OTUD7B: variants seen among roughly 807,000 people sequenced by gnomAD.
OTUD7B encodes OTU deubiquitinase 7B, also known as OTU domain-containing protein 7B.
In OTUD7B, 34 loss-of-function variants were observed where a neutral mutation model predicts 82.2. The ratio of observed to expected loss-of-function variants is 0.41; its 90% CI spans 0.31 to 0.55. The LOEUF (loss-of-function observed/expected upper bound fraction) is 0.55. Among genes scored for constraint, OTUD7B ranks in the 20% least tolerant of loss-of-function variants. The pLI, the probability that OTUD7B is intolerant of heterozygous loss-of-function variation, is 0.20. For missense variants in OTUD7B, 944 were observed against 1,062.1 expected, an observed-to-expected ratio of 0.89 and a Z score of 1.55; for synonymous variants, 398 against 402.7, an observed-to-expected ratio of 0.99 and a Z score of 0.14.
chr1:149,973,054 T>C (rs782011202), intron 2 of OTUD7B, among the ~76,000 whole-genome samples: 7 of 152,168 alleles, frequency 4.6e-5, no homozygotes, highest in Non-Finnish European at 8.8e-5. Context: ...TTTGTACCCC[T>C]AAAACATCTC....
the OTUD7B span, among the ~76,000 whole-genome samples, chr1:150,043,988 C>T: frequency 6.6e-6 from 1 of 151,966 alleles, no homozygotes; most frequent in African/African-American, 2.4e-5. Context: ...CATGATGGCA[C>T]GTGCCTGTAG....
chr1:150,055,190 A>T, the OTUD7B span, among the ~76,000 whole-genome samples: 1 of 151,674 alleles, frequency 6.6e-6, no homozygotes, highest in Non-Finnish European at 1.5e-5. Context: ...GGCGCCCACC[A>T]CCACGCCCGG....
chr1:150,004,586 C>A (rs139224795), intron 1 of OTUD7B, among the ~76,000 whole-genome samples: 171 of 150,562 alleles, frequency 1.1e-3, no homozygotes, highest in East Asian at 4.3e-3. Context: ...TAAATAAATA[C>A]ATAAATAAAT....
rs1559821140 is a variant in OTUD7B at position 149,944,588 on chromosome 1, T to A, written c.1801A>T (p.Thr601Ser). The A allele has an allele frequency of 1.2e-6, 2 of 1,614,084 alleles. No individual in the cohort carries two copies. The highest frequency in any genetic ancestry group is 1.7e-6 in the Non-Finnish European group (2 of 1,180,016). ...EVMQSLSILR[T>S]AMQGEGKFIF... ...AACTTCCCCTCCCCTTGCATGGCAG[T>A]CCTCAGAATGCTCAGGCTCTGCATC... is the stretch of plus-strand genomic sequence containing the variant. Residue 601 changes from threonine to serine, a missense_variant, in exon 12 of 12, where the codon ACT (threonine) becomes TCT (serine). This residue lies in a region of OTUD7B where 412 missense variants were observed against 418.7 expected (regional missense o/e 0.98). Coordinates refer to ENST00000581312, the MANE Select transcript of OTUD7B (RefSeq NM_020205.4).
At chr1:150,027,038 CTAAA>C in the OTUD7B span, among the ~76,000 whole-genome samples, 1 of 152,096 alleles carries the variant, frequency 6.6e-6, no homozygotes, top group Admixed American at 6.5e-5. Flanking sequence ...TGTGTTCCTG[CTAAA>C]TAGTCTCCAA....
rs1046825524 is a variant in OTUD7B, at chr1:149,941,892, A to G, written c.*1965T>C. 3 of 152,170 alleles carry G rather than the reference A, an allele frequency of 2.0e-5. No individual in the cohort carries two copies. Among genetic ancestry groups the G allele is most frequent in the Non-Finnish European group, 2.9e-5 (2 of 68,036 alleles). The allele number at this position is 152,170 out of a possible 1,614,324, so 9.4% of individuals were successfully genotyped here. ...GTTCCAGACCTGCCTAGACATATAC[A>G]CATCCCTTCCTTTGGAATCTCACTG... On this transcript the variant is annotated 3_prime_UTR_variant, in exon 12 of 12. Coordinates refer to ENST00000581312, the MANE Select transcript of OTUD7B (RefSeq NM_020205.4).
chr1:150,005,920 T>C (rs1026080606), intron 1 of OTUD7B, among the ~76,000 whole-genome samples: 7 of 152,184 alleles, frequency 4.6e-5, no homozygotes, highest in East Asian at 1.9e-4. Flanking sequence ...GGAGGCCACA[T>C]TGGATCCATA....
At chr1:149,990,449 T>C (rs181195943) in intron 1 of OTUD7B, among the ~76,000 whole-genome samples, 5 of 152,350 alleles carry the variant, frequency 3.3e-5, no homozygotes, top group East Asian at 3.9e-4. Flanking sequence ...GAGAGTTATC[T>C]ACACCTAAAA....
Position 149,944,211 on chromosome 1 carries a change from T to TG in OTUD7B, c.2177dup (p.Tyr727IlefsTer30). The TG allele has an allele frequency of 6.2e-7, 1 of 1,613,466 alleles. No individual in the cohort carries two copies. Among genetic ancestry groups the TG allele is most frequent in the Non-Finnish European group, 8.5e-7 (1 of 1,179,590 alleles). On this transcript the variant is annotated frameshift_variant, in exon 12 of 12. Transcript: ENST00000581312. LOFTEE classifies it high-confidence loss of function. ...GGCACTGTCTGGGGAAGGTGGCATA[T>TG]GGTGGTAGGCCCCCGACACATGGAC...
intron 1 of OTUD7B, among the ~76,000 whole-genome samples, chr1:150,001,445 G>C (rs1652273964): frequency 6.6e-6 from 1 of 152,184 alleles, no homozygotes; most frequent in Non-Finnish European, 1.5e-5. Flanking sequence ...GCTTAGAACA[G>C]GGTAGAGTGA....
rs188543805 is a variant in OTUD7B at position 149,957,016 on chromosome 1, G to A, written c.845+2668C>T. Among the ~76,000 whole-genome samples, 11 of 152,064 alleles carry A rather than the reference G, an allele frequency of 7.2e-5. No homozygotes were observed. The East Asian group carries it at 1.7e-3, about 24-fold the overall frequency. ...AGCTCAGAGTTTGTTATTACCGATCGTCTGAAGCCTTCTTCTCTCAACTCG... is the reference window on the plus strand; with the variant it reads ...AGCTCAGAGTTTGTTATTACCGATCATCTGAAGCCTTCTTCTCTCAACTCG... On this transcript the variant is annotated intron_variant, in intron 7 of 11. Coordinates refer to ENST00000581312, the MANE Select transcript of OTUD7B (RefSeq NM_020205.4).
chr1:149,959,532 A>G, intron 7 of OTUD7B, 152 bp downstream of exon 7: 1 of 614,272 alleles, frequency 1.6e-6, no homozygotes. Context: ...GTTCCTAAAC[A>G]TATCATGTTG....
At chr1:150,028,172 G>A in the OTUD7B span, among the ~76,000 whole-genome samples, 1 of 152,178 alleles carries the variant, frequency 6.6e-6, no homozygotes, top group African/African-American at 2.4e-5. Flanking sequence ...GGATGCAGTT[G>A]TCAATAGTAT....
chr1:149,960,095 A>C (rs1267283077), intron 6 of OTUD7B, among the ~76,000 whole-genome samples: 1 of 152,138 alleles, frequency 6.6e-6, no homozygotes, highest in Non-Finnish European at 1.5e-5. Flanking sequence ...GATTTTGGCA[A>C]AGAACAATGA....
the OTUD7B span, among the ~76,000 whole-genome samples, chr1:150,052,338 T>C: frequency 6.6e-6 from 1 of 152,072 alleles, no homozygotes; most frequent in Non-Finnish European, 1.5e-5. Flanking sequence ...GTAAAATAAA[T>C]GTACAAAAAA....
rs199790009 is a variant in OTUD7B, at chr1:149,944,472, G to T, written c.1917C>A (p.Phe639Leu). The T allele has an allele frequency of 1.4e-5, 23 of 1,614,070 alleles. No individual in the cohort carries two copies. Among genetic ancestry groups the T allele is most frequent in the Non-Finnish European group, 1.8e-5 (21 of 1,180,012 alleles). The stretch of plus-strand genomic sequence containing the variant: ...CCTCCTTCTGCTTCTGTTCTGCCAG[G>T]AATCTCTCCTCAGCATCAGAAAGGT... ...QRYLSDAEER[F>L]LAEQKQKEAE... The change falls in exon 12 of 12, where the codon TTC becomes TTA. Residue 639 changes from phenylalanine to leucine, a missense_variant. This residue lies in a region of OTUD7B where 412 missense variants were observed against 418.7 expected (regional missense o/e 0.98). Coordinates refer to ENST00000581312, the MANE Select transcript of OTUD7B (RefSeq NM_020205.4).
chr1:150,045,392 C>G, the OTUD7B span, among the ~76,000 whole-genome samples: 1 of 152,192 alleles, frequency 6.6e-6, no homozygotes, highest in African/African-American at 2.4e-5. Context: ...CCGTGTCCAG[C>G]CAGAAAACCT....
intron 2 of OTUD7B, among the ~76,000 whole-genome samples, chr1:149,974,936 G>A (rs1232569047): frequency 2.6e-5 from 4 of 151,304 alleles, no homozygotes; most frequent in South Asian, 2.1e-4. Flanking sequence ...TTAATTAAGC[G>A]ACCGTCCCAC....
At chr1:149,946,067 A>AAAAT (rs1188831357) in intron 11 of OTUD7B, among the ~76,000 whole-genome samples, 89 of 134,390 alleles carry the variant, frequency 6.6e-4, no homozygotes, top group East Asian at 2.3e-3. Context: ...TCTCAAAGAA[A>AAAAT]AATAATAATA....
Sources: gnomAD v4.1 joint callset for allele counts (sites outside exome capture counted in the v4.1 genomes callset) on GRCh38, gnomAD v4.1.1 for gene constraint, gnomAD v4.1.1 regional missense constraint, MANE v1.5 for transcripts, NCBI Gene and HGNC (gene_info 2026-07-23, HGNC 2026-07-21) for gene names.